AMPD3: variants seen among roughly 807,000 people sequenced by gnomAD.
AMPD3 encodes AMP deaminase 3.
Under a neutral mutation model 82.3 loss-of-function variants are expected in AMPD3, and 57 were observed. The observed-to-expected ratio is 0.69, with a 90% CI of 0.56 to 0.86. AMPD3 has a LOEUF of 0.86. Ranked by LOEUF, AMPD3 falls within the 40% of genes least tolerant of loss-of-function variation. AMPD3 has a pLI of 0.00. For synonymous variants in AMPD3, 381 were observed against 394.7 expected (o/e 0.97, Z 0.41); for missense variants, 870 against 1,003.8 (o/e 0.87, Z 1.80).
intron 2 of AMPD3, among the ~76,000 whole-genome samples, chr11:10,475,991 A>G (rs1282271180): frequency 1.3e-5 from 2 of 152,226 alleles, no homozygotes; most frequent in Admixed American, 6.5e-5. Context: ...TACCCTGAGC[A>G]TAGAGCCCAG....
At chr11:10,465,551 C>T (rs1042908637) in intron 2 of AMPD3, among the ~76,000 whole-genome samples, 2 of 152,174 alleles carry the variant, frequency 1.3e-5, no homozygotes, top group Non-Finnish European at 2.9e-5. Flanking sequence ...ACAGCGGGTG[C>T]AGCCCAAGGA....
intron 6 of AMPD3, chr11:10,488,099 C>A: frequency 2.0e-6 from 1 of 500,306 alleles, no homozygotes; most frequent in Non-Finnish European, 2.6e-6. Context: ...CTCTGATATG[C>A]TCAGATCTCT....
At chr11:10,501,094 G>A (rs1849566740) in intron 11 of AMPD3, 1 of 985,236 alleles carries the variant, frequency 1.0e-6, no homozygotes, top group South Asian at 4.7e-5. Flanking sequence ...TCACTCTCCG[G>A]GCCTTGGTTT....
intron 9 of AMPD3, 122 bp from the exon 10 acceptor site, chr11:10,496,690 C>G: frequency 6.5e-7 from 1 of 1,543,520 alleles, no homozygotes; most frequent in South Asian, 1.1e-5. Flanking sequence ...CTGGTCCCAT[C>G]TGACTTGATT....
At chr11:10,479,721 A>G (rs943629732) in intron 3 of AMPD3, among the ~76,000 whole-genome samples, 5 of 152,256 alleles carry the variant, frequency 3.3e-5, no homozygotes, top group African/African-American at 9.6e-5. Context: ...GTAGTTTACA[A>G]TATACATTAT....
rs949480086 is a variant in AMPD3, at chr11:10,494,812, A to T, written c.1135-87A>T. ...AAGATGTCTTTCGGTGTGGCCATAC[A>T]GAAGGCCGCCTCGTAAAGGTCTAGA... On this transcript the variant is annotated intron_variant, in intron 7 of 14. Transcript: ENST00000396553. 20 of 1,580,304 alleles carry T rather than the reference A, an allele frequency of 1.3e-5. No individual in the cohort carries two copies. The African/African-American group carries it at 2.3e-4, about 18-fold the overall frequency.
chr11:10,488,461 T>A, intron 6 of AMPD3: 1 of 909,920 alleles, frequency 1.1e-6, no homozygotes. Flanking sequence ...GAGGGAGGGA[T>A]GGTATGAGAG....
chr11:10,481,641 G>A (rs896587411), intron 3 of AMPD3: 2 of 407,494 alleles, frequency 4.9e-6, no homozygotes, highest in Admixed American at 1.3e-4. Flanking sequence ...TCAGCAAAGG[G>A]AGCGATACAT....
Position 10,493,419 on chromosome 11 carries a change from A to G in AMPD3, c.1010A>G (p.Tyr337Cys), listed in dbSNP as rs769849103. The G allele has an allele frequency of 1.9e-6, 3 of 1,614,216 alleles. No individual in the cohort carries two copies. The highest frequency in any genetic ancestry group is 2.5e-6 in the Non-Finnish European group (3 of 1,180,044). ...KHLLRFIKHT[Y>C]QTEPDRTVAE... is the part of the protein sequence containing the mutation. ...CTGCTGCGCTTCATCAAGCACACAT[A>G]CCAGACGGAGCCTGACAGGACTGTG... The change falls in exon 7 of 15, where the codon TAC becomes TGC. Residue 337 changes from tyrosine to cysteine, a missense_variant. Coordinates refer to ENST00000396553, the MANE Select transcript of AMPD3 (RefSeq NM_001025389.2).
intron 2 of AMPD3, chr11:10,473,743 A>T (rs1848658911): frequency 2.7e-6 from 1 of 370,592 alleles, no homozygotes; most frequent in Non-Finnish European, 3.7e-6. Flanking sequence ...GGAAGGTGTC[A>T]GCCCCTCTTA....
At chr11:10,493,705 C>G (rs1187443492) in intron 7 of AMPD3, 162 bp downstream of exon 7, 2 of 832,938 alleles carry the variant, frequency 2.4e-6, no homozygotes. Flanking sequence ...AATAACAGGT[C>G]TGGGGCAGCC....
In AMPD3 at chr11:10,504,635, G is replaced by A; in HGVS notation, c.2103G>A (p.Val701=). ...CDLCEIARNS[V]LQSGLSHQEK... is the part of the protein sequence containing the mutation. Reference sequence around the variant, plus strand: ...TGTGTGAGATCGCCAGGAACAGCGTGCTGCAGAGCGGCCTCTCGCATCAGG... The same window carrying A: ...TGTGTGAGATCGCCAGGAACAGCGTACTGCAGAGCGGCCTCTCGCATCAGG... Residue 701 remains valine (V), a synonymous_variant, in exon 14 of 15, where the codon GTG becomes GTA. Transcript: ENST00000396553. 1 of 1,614,190 alleles carries A rather than the reference G, an allele frequency of 6.2e-7. No individual in the cohort carries two copies.
In AMPD3 at chr11:10,495,227, G is replaced by A. The variant is rs1165877670; in HGVS notation, c.1266+197G>A. 1.1e-5 allele frequency: 11 copies of A among 985,422 alleles called. No individual in the cohort carries two copies. In the East Asian group the frequency reaches 9.1e-4, roughly 81 times the overall value. 61.0% of individuals were successfully genotyped at this position (985,422 alleles called of 1,614,324 possible). A position where few individuals can be genotyped will look rare whatever the true frequency, so the allele number is the denominator to read the frequency against. ...GGCAGTGCTGCATGTGCCAACTGCA[G>A]GAAAGAGGAGGGAAGGGTATCCACC... On this transcript the variant is annotated intron_variant, in intron 8 of 14. Transcript: ENST00000396553.
At chr11:10,473,616 A>C in intron 2 of AMPD3, 2 of 985,128 alleles carry the variant, frequency 2.0e-6, no homozygotes, top group Non-Finnish European at 2.4e-6. Context: ...ATCTGGCTGC[A>C]TATGCGGAGT....
At chr11:10,457,220 G>A (rs1287332985) in intron 1 of AMPD3, among the ~76,000 whole-genome samples, 2 of 151,678 alleles carry the variant, frequency 1.3e-5, no homozygotes, top group African/African-American at 2.4e-5. Flanking sequence ...GGCCTCAAGC[G>A]ATCCTCTTCA....
At chr11:10,504,044 T>C in intron 13 of AMPD3, 1 of 980,372 alleles carries the variant, frequency 1.0e-6, no homozygotes, top group African/African-American at 1.7e-5. Context: ...GATTACACCA[T>C]TTTACCACTT....
intron 2 of AMPD3, among the ~76,000 whole-genome samples, chr11:10,470,049 A>G (rs1328149538): frequency 2.0e-5 from 3 of 152,010 alleles, no homozygotes; most frequent in East Asian, 3.9e-4. Flanking sequence ...CAAAAAAAAA[A>G]AAAAAAAAGT....
intron 2 of AMPD3, chr11:10,478,107 G>A (rs1848792744): frequency 2.0e-6 from 2 of 985,244 alleles, no homozygotes; most frequent in African/African-American, 3.5e-5. Context: ...TCATATGTTG[G>A]GACTGAGAGT....
At chr11:10,472,703 T>C (rs1675292076) in intron 2 of AMPD3, among the ~76,000 whole-genome samples, 2 of 152,186 alleles carry the variant, frequency 1.3e-5, no homozygotes, top group South Asian at 4.1e-4. Flanking sequence ...TATCCCCTTT[T>C]AAAGTTAGGG....
Sources: allele counts gnomAD v4.1 joint callset (sites outside exome capture counted in the v4.1 genomes callset), GRCh38; gene constraint gnomAD v4.1.1; transcripts MANE v1.5; gene names NCBI Gene and HGNC (gene_info 2026-07-23, HGNC 2026-07-21).